The following RALGPS2 variants were observed in gnomAD, a reference collection of about 807,000 sequenced individuals.
RALGPS2 encodes ras-specific guanine nucleotide-releasing factor RalGPS2.
RALGPS2 carries 43 observed loss-of-function variants against 86.8 expected under a neutral mutation model. The observed-to-expected ratio is 0.50, with a 90% CI of 0.39 to 0.64. RALGPS2 has a LOEUF of 0.64. RALGPS2 is among the 30% of genes least tolerant of loss of function. The pLI is 0.00. For synonymous variants in RALGPS2, 243 were observed against 231.3 expected, an observed-to-expected ratio of 1.05 and a Z score of -0.46; for missense variants, 536 against 694.6, an observed-to-expected ratio of 0.77 and a Z score of 2.57.
rs191825355 is a variant in RALGPS2, at chr1:178,770,762, G to A, written c.-83-5920G>A. Among the ~76,000 whole-genome samples, 557 of 146,832 alleles carry A rather than the reference G, an allele frequency of 3.8e-3. 5 individuals are homozygous for A. Among genetic ancestry groups the A allele is most frequent in the African/African-American group, 0.013 (504 of 39,796 alleles). Reference sequence around the variant, plus strand: ...AAAGTGTTGGAATTACAGGCGTGAGGCACCGCGCCTGGCCACCCTTTTACC... The same window carrying A: ...AAAGTGTTGGAATTACAGGCGTGAGACACCGCGCCTGGCCACCCTTTTACC... On this transcript the variant is annotated intron_variant, in intron 1 of 19. Transcript: ENST00000367635.
chr1:178,806,439 T>A (rs193142649), intron 4 of RALGPS2, among the ~76,000 whole-genome samples: 1 of 152,314 alleles, frequency 6.6e-6, no homozygotes, highest in East Asian at 1.9e-4. Context: ...GAATCTCTGA[T>A]CAGTTTTCTC....
At chr1:178,767,358 CTTTT>C (rs1159630163) in intron 1 of RALGPS2, among the ~76,000 whole-genome samples, 5 of 70,432 alleles carry the variant, frequency 7.1e-5, no homozygotes, top group South Asian at 6.4e-4. Flanking sequence ...TGTCCTTTGG[CTTTT>C]TTTTTTTTTT....
chr1:178,793,264 G>A (rs1291094980), intron 4 of RALGPS2, among the ~76,000 whole-genome samples: 1 of 151,956 alleles, frequency 6.6e-6, no homozygotes, highest in Non-Finnish European at 1.5e-5. Flanking sequence ...TAAATAAAGG[G>A]TATTTAGACT....
chr1:178,760,747 G>A (rs544351779), intron 1 of RALGPS2, among the ~76,000 whole-genome samples: 229 of 151,606 alleles, frequency 1.5e-3, no homozygotes, highest in Non-Finnish European at 2.5e-3. Flanking sequence ...ACCTTCAACA[G>A]TCTGGTGATG....
chr1:178,867,324 A>G (rs936889447), intron 8 of RALGPS2, among the ~76,000 whole-genome samples: 2 of 152,148 alleles, frequency 1.3e-5, no homozygotes, highest in South Asian at 4.1e-4. Flanking sequence ...CTTATTATCA[A>G]GAGTCACACA....
chr1:178,802,944 T>C (rs932653519), intron 4 of RALGPS2, among the ~76,000 whole-genome samples: 7 of 152,172 alleles, frequency 4.6e-5, no homozygotes, highest in Admixed American at 2.6e-4. Flanking sequence ...GTTGCAAATC[T>C]TCAAGACAAA....
At chr1:178,876,031 A>C (rs1658988567) in intron 8 of RALGPS2, among the ~76,000 whole-genome samples, 1 of 152,208 alleles carries the variant, frequency 6.6e-6, no homozygotes, top group Admixed American at 6.5e-5. Flanking sequence ...GGTGACTTAA[A>C]GAATACTGTA....
chr1:178,737,412 A>T (rs1421196558), intron 1 of RALGPS2, among the ~76,000 whole-genome samples: 1 of 151,812 alleles, frequency 6.6e-6, no homozygotes, highest in East Asian at 1.9e-4. Context: ...CGCCTGGCTA[A>T]TTTTTTTGTA....
intron 19 of RALGPS2, among the ~76,000 whole-genome samples, chr1:178,914,237 C>T (rs959457302): frequency 3.0e-4 from 46 of 152,154 alleles, no homozygotes; most frequent in African/African-American, 1.0e-3. Flanking sequence ...TCCTTTGCAG[C>T]TTTCCCCACA....
intron 8 of RALGPS2, among the ~76,000 whole-genome samples, chr1:178,875,321 A>T (rs1194283303): frequency 6.6e-6 from 1 of 152,212 alleles, no homozygotes. Flanking sequence ...CGAAGAATAA[A>T]AGAAGTGTAC....
intron 7 of RALGPS2, among the ~76,000 whole-genome samples, chr1:178,829,367 G>A (rs1305830484): frequency 6.6e-6 from 1 of 152,192 alleles, no homozygotes; most frequent in African/African-American, 2.4e-5. Context: ...CACAGCAGGA[G>A]GTGGGCAGCA....
chr1:178,786,151 C>T (rs1653639413), intron 4 of RALGPS2, among the ~76,000 whole-genome samples: 1 of 152,032 alleles, frequency 6.6e-6, no homozygotes, highest in South Asian at 2.1e-4. Flanking sequence ...GTTCTGCTAT[C>T]TCAAGGGTGG....
At chr1:178,911,077 A>G (rs1318609598) in intron 19 of RALGPS2, among the ~76,000 whole-genome samples, 1 of 151,842 alleles carries the variant, frequency 6.6e-6, no homozygotes, top group African/African-American at 2.4e-5. Flanking sequence ...GATTTTTTGT[A>G]TTTCTTTGGA....
At chr1:178,728,460 T>A (rs1024946886) in intron 1 of RALGPS2, among the ~76,000 whole-genome samples, 2 of 151,940 alleles carry the variant, frequency 1.3e-5, no homozygotes, top group African/African-American at 2.4e-5. Flanking sequence ...ACTTTTAATT[T>A]TAATGATACA....
At chr1:178,866,891 A>G (rs994091449) in intron 8 of RALGPS2, among the ~76,000 whole-genome samples, 1 of 152,180 alleles carries the variant, frequency 6.6e-6, no homozygotes, top group Non-Finnish European at 1.5e-5. Flanking sequence ...TCAAGAGCCA[A>G]GACTTTTTCC....
chr1:178,781,374 T>C (rs960394078), intron 2 of RALGPS2, among the ~76,000 whole-genome samples: 2 of 152,200 alleles, frequency 1.3e-5, no homozygotes, highest in Non-Finnish European at 2.9e-5. Context: ...TACTTTATCC[T>C]TTTATATTTA....
chr1:178,748,850 C>CAAAAAA lies in RALGPS2; in HGVS notation c.-84+23442_-84+23447dup, dbSNP rs568753748. Among the ~76,000 whole-genome samples, 21 of 97,458 alleles carry CAAAAAA rather than the reference C, an allele frequency of 2.2e-4. No homozygotes were observed. In the East Asian group the frequency reaches 4.2e-3, roughly 20 times the overall value. 63.9% of individuals were successfully genotyped at this position (97,458 alleles called of 152,430 possible). ...TGGGTGACAGAGTGAGACTCTGTCT[C>CAAAAAA]AAAAAAAAAAAAAAAAGAAGGCAGG... On this transcript the variant is annotated intron_variant, in intron 1 of 19. Coordinates refer to ENST00000367635, the MANE Select transcript of RALGPS2 (RefSeq NM_152663.5).
At chr1:178,871,578 G>A (rs1275988961) in intron 8 of RALGPS2, among the ~76,000 whole-genome samples, 3 of 152,168 alleles carry the variant, frequency 2.0e-5, no homozygotes, top group Non-Finnish European at 4.4e-5. Context: ...GTTGTAGTAT[G>A]TTATGTCTTA....
chr1:178,747,277 AG>A (rs1651391194), intron 1 of RALGPS2: 1 of 1,516,144 alleles, frequency 6.6e-7, no homozygotes, highest in Admixed American at 1.7e-5. Context: ...TGAGAAATGA[AG>A]CTGGTGATTG....
Sources: gnomAD v4.1 joint callset for allele counts (sites outside exome capture counted in the v4.1 genomes callset) on GRCh38, gnomAD v4.1.1 for gene constraint, MANE v1.5 for transcripts, NCBI Gene and HGNC (gene_info 2026-07-23, HGNC 2026-07-21) for gene names.